CDKAL1: variants seen among roughly 807,000 people sequenced by gnomAD.
CDKAL1 encodes CDKAL1 threonylcarbamoyladenosine tRNA methylthiotransferase, also known as threonylcarbamoyladenosine tRNA methylthiotransferase.
In CDKAL1, 32 loss-of-function variants were observed where a neutral mutation model predicts 68.2. The observed-to-expected ratio is 0.47, with a 90% confidence interval of 0.35 to 0.63. CDKAL1 has a LOEUF of 0.63. Ranked by LOEUF, CDKAL1 falls within the 30% of genes least tolerant of loss-of-function variation. CDKAL1 has a pLI of 0.00. For synonymous variants in CDKAL1, 234 were observed against 244.3 expected (o/e 0.96, Z 0.39); for missense variants, 606 against 696.7 (o/e 0.87, Z 1.47).
rs1276701107 is a variant in CDKAL1 at position 20,553,371 on chromosome 6, T to C, written c.286+4666T>C. On this transcript the variant is annotated intron_variant, in intron 4 of 15. Transcript: ENST00000274695. ...TAAAAATACAAAAATTAGCCAGGTG[T>C]GGTGGCACACACCTGTAATCCCAGC... is the stretch of plus-strand genomic sequence containing the variant. 2.0e-5 allele frequency among the ~76,000 whole-genome samples: 3 copies of C among 151,856 alleles called. No homozygotes were observed. The East Asian group carries it at 5.8e-4, about 30-fold the overall frequency.
chr6:21,122,809 T>TTG (rs1461375013), intron 13 of CDKAL1, among the ~76,000 whole-genome samples: 1 of 148,932 alleles, frequency 6.7e-6, no homozygotes, highest in African/African-American at 2.5e-5. Context: ...TTAGGTTTTT[T>TTG]TTTTTTTTTT....
chr6:20,590,167 T>G (rs1214825895), intron 4 of CDKAL1, among the ~76,000 whole-genome samples: 3 of 152,164 alleles, frequency 2.0e-5, no homozygotes, highest in Non-Finnish European at 4.4e-5. Flanking sequence ...TAATTCTTGC[T>G]CTTTCATTTG....
intron 2 of CDKAL1, among the ~76,000 whole-genome samples, chr6:20,544,520 C>G (rs1002397482): frequency 3.4e-5 from 5 of 145,076 alleles, no homozygotes; most frequent in African/African-American, 1.3e-4. Flanking sequence ...GGCGTGAACC[C>G]AGGAGGCGGA....
chr6:21,059,273 A>G (rs1771007835), intron 11 of CDKAL1, among the ~76,000 whole-genome samples: 1 of 152,186 alleles, frequency 6.6e-6, no homozygotes, highest in Non-Finnish European at 1.5e-5. Flanking sequence ...CAGCAGGGGA[A>G]AACAGAAGAC....
At chr6:20,988,633 T>C (rs1766616799) in intron 10 of CDKAL1, among the ~76,000 whole-genome samples, 2 of 151,714 alleles carry the variant, frequency 1.3e-5, no homozygotes, top group Admixed American at 1.3e-4. Context: ...GAATCACTGG[T>C]TTTTTTGTTT....
At position 20,595,378 on chromosome 6, in the gene CDKAL1, C is replaced by CT. The variant is rs569954271; in HGVS notation, c.286+46679dup. The stretch of plus-strand genomic sequence containing the variant: ...GAGGCCTTGTTCATTCCTTTTCATT[C>CT]TTTTTTCTCTAATAATGGGTTATTT... On this transcript the variant is annotated intron_variant, in intron 4 of 15. Coordinates refer to ENST00000274695, the MANE Select transcript of CDKAL1 (RefSeq NM_017774.3). 1.6e-3 allele frequency among the ~76,000 whole-genome samples: 246 copies of CT among 152,110 alleles called. 2 individuals carry two copies. Among genetic ancestry groups the CT allele is most frequent in the African/African-American group, 5.7e-3 (235 of 41,502 alleles).
At chr6:21,165,662 G>A (rs141878625) in intron 13 of CDKAL1, among the ~76,000 whole-genome samples, 6 of 152,268 alleles carry the variant, frequency 3.9e-5, no homozygotes, top group East Asian at 1.9e-4. Flanking sequence ...TCAACCAAAG[G>A]CATTTCTTTA....
At chr6:20,778,809 T>C (rs1775290113) in intron 7 of CDKAL1, among the ~76,000 whole-genome samples, 1 of 152,128 alleles carries the variant, frequency 6.6e-6, no homozygotes, top group Non-Finnish European at 1.5e-5. Context: ...TTTTTTTAAA[T>C]TGAGACTTTT....
chr6:20,993,062 A>C (rs1354426878), intron 10 of CDKAL1, among the ~76,000 whole-genome samples: 1 of 152,118 alleles, frequency 6.6e-6, no homozygotes, highest in Non-Finnish European at 1.5e-5. Flanking sequence ...TAGGAAGTAG[A>C]CTAGTGGTTG....
chr6:21,043,043 G>T (rs1397121296), intron 11 of CDKAL1, among the ~76,000 whole-genome samples: 2 of 152,130 alleles, frequency 1.3e-5, no homozygotes, highest in African/African-American at 4.8e-5. Context: ...CACACAAAAT[G>T]CATCATAAAT....
At chr6:20,602,662 A>T (rs1381155564) in intron 4 of CDKAL1, among the ~76,000 whole-genome samples, 4 of 152,104 alleles carry the variant, frequency 2.6e-5, no homozygotes, top group Admixed American at 2.6e-4. Context: ...ACACTTGCCT[A>T]CCTCTTGCCT....
chr6:21,060,502 G>A (rs993810191), intron 11 of CDKAL1, among the ~76,000 whole-genome samples: 3 of 151,456 alleles, frequency 2.0e-5, no homozygotes, highest in Admixed American at 2.0e-4. Flanking sequence ...TACTTTTATT[G>A]ATTTTTCTCT....
At chr6:21,195,030 C>G (rs1469860110) in intron 13 of CDKAL1, among the ~76,000 whole-genome samples, 2 of 152,150 alleles carry the variant, frequency 1.3e-5, no homozygotes, top group Non-Finnish European at 2.9e-5. Context: ...CAGCCTCCAA[C>G]TCCCGGGCTC....
chr6:21,152,901 G>T (rs1776478812), intron 13 of CDKAL1, among the ~76,000 whole-genome samples: 1 of 152,160 alleles, frequency 6.6e-6, no homozygotes, highest in Non-Finnish European at 1.5e-5. Context: ...TTGCGCATCA[G>T]TGTTCAAGAA....
At chr6:20,538,440 A>G (rs1275596524) in intron 2 of CDKAL1, among the ~76,000 whole-genome samples, 1 of 152,172 alleles carries the variant, frequency 6.6e-6, no homozygotes, top group Admixed American at 6.5e-5. Context: ...ATCAATGTAC[A>G]AATCCTTTTG....
intron 12 of CDKAL1, among the ~76,000 whole-genome samples, chr6:21,071,433 G>A (rs1461712749): frequency 6.6e-6 from 1 of 152,110 alleles, no homozygotes; most frequent in Non-Finnish European, 1.5e-5. Context: ...GCGGAACTGT[G>A]AGCCAATTAA....
intron 5 of CDKAL1, among the ~76,000 whole-genome samples, chr6:20,706,999 G>C (rs1442363407): frequency 6.6e-6 from 1 of 152,156 alleles, no homozygotes; most frequent in Non-Finnish European, 1.5e-5. Context: ...GGACCTGGGA[G>C]GGACCCTTTT....
intron 4 of CDKAL1, among the ~76,000 whole-genome samples, chr6:20,552,037 GAAAA>G (rs1295877569): frequency 1.0e-5 from 1 of 95,860 alleles, no homozygotes; most frequent in Admixed American, 1.1e-4. Context: ...ATACCCTAAG[GAAAA>G]AAAAAAAAAA....
At chr6:21,189,152 A>G (rs1047833400) in intron 13 of CDKAL1, among the ~76,000 whole-genome samples, 2 of 152,220 alleles carry the variant, frequency 1.3e-5, no homozygotes, top group Non-Finnish European at 2.9e-5. Flanking sequence ...GAAGAAAAGC[A>G]CAAGGAGATT....
Sources: gnomAD v4.1 joint callset for allele counts (sites outside exome capture counted in the v4.1 genomes callset) on GRCh38, gnomAD v4.1.1 for gene constraint, MANE v1.5 for transcripts, NCBI Gene and HGNC (gene_info 2026-07-23, HGNC 2026-07-21) for gene names.